The following DMD variants were observed in gnomAD, a reference collection of about 807,000 sequenced individuals.
The protein encoded by DMD is mutant dystrophin.
DMD carries 63 observed loss-of-function variants against 330.1 expected under a neutral mutation model. The ratio of observed to expected loss-of-function variants is 0.19; its 90% CI spans 0.16 to 0.24. The LOEUF is 0.24. Ranked by LOEUF, DMD falls within the 10% of genes least tolerant of loss-of-function variation. The probability of loss-of-function intolerance (pLI) is 1.00; values close to 1 mark genes in which losing one functional copy is unlikely to be tolerated. For missense variants in DMD, 3,344 were observed against 2,684.1 expected, an observed-to-expected ratio of 1.25 and a Z score of -5.43; for synonymous variants, 1,223 against 959.8, an observed-to-expected ratio of 1.27 and a Z score of -5.07.
At chrX:31,695,789 A>G (rs1348153109) in intron 52 of DMD, among the ~76,000 whole-genome samples, 3 of 110,917 alleles carry the variant, frequency 2.7e-5, no homozygotes, top group Non-Finnish European at 5.7e-5. Context: ...GGATGGAAAA[A>G]TGAGAGACGT....
intron 52 of DMD, among the ~76,000 whole-genome samples, chrX:31,702,820 C>T (rs1433876078): frequency 2.8e-5 from 3 of 109,050 alleles, no homozygotes; most frequent in Non-Finnish European, 5.7e-5. Context: ...CTTTTGCACT[C>T]CCCATCCTTC....
intron 34 of DMD, among the ~76,000 whole-genome samples, chrX:32,373,885 C>T (rs957493542): frequency 1.8e-5 from 2 of 111,560 alleles, no homozygotes; most frequent in Admixed American, 9.5e-5. Context: ...GGATCCTGGA[C>T]CCACATGACT....
chrX:31,722,243 C>T (rs1210170978), intron 52 of DMD, among the ~76,000 whole-genome samples: 2 of 109,929 alleles, frequency 1.8e-5, no homozygotes, highest in Admixed American at 9.8e-5. Context: ...CTCAGCCTCC[C>T]GAGTAGCTGG....
chrX:32,784,902 T>TG (rs1404633980), intron 7 of DMD, among the ~76,000 whole-genome samples: 1 of 111,509 alleles, frequency 9.0e-6, no homozygotes, highest in Non-Finnish European at 1.9e-5. Flanking sequence ...TTCAATACCT[T>TG]GGCAGACTGT....
At chrX:31,184,322 T>C (rs1190320709) in intron 67 of DMD, among the ~76,000 whole-genome samples, 1 of 111,966 alleles carries the variant, frequency 8.9e-6, no homozygotes, top group Non-Finnish European at 1.9e-5. Flanking sequence ...AAGTCAATAG[T>C]AAAGATGACT....
intron 7 of DMD, among the ~76,000 whole-genome samples, chrX:32,724,474 C>T (rs2066656364): frequency 9.0e-6 from 1 of 111,492 alleles, no homozygotes; most frequent in African/African-American, 3.3e-5. Context: ...AGGCCCTTAC[C>T]AAGAGGAGCT....
chrX:32,384,329 C>T (rs1393026256), intron 33 of DMD, among the ~76,000 whole-genome samples: 1 of 109,976 alleles, frequency 9.1e-6, no homozygotes, highest in African/African-American at 3.3e-5. Context: ...CTGTGGTGAT[C>T]TTTAAACAAT....
intron 1 of DMD, among the ~76,000 whole-genome samples, chrX:33,158,836 T>C (rs1441230370): frequency 2.7e-5 from 3 of 111,760 alleles, no homozygotes; most frequent in Non-Finnish European, 5.6e-5. Flanking sequence ...TTAAATCACA[T>C]TCATCTACCC....
At chrX:33,009,692 A>ATGTG (rs2093594411) in intron 2 of DMD, among the ~76,000 whole-genome samples, 1 of 41,189 alleles carries the variant, frequency 2.4e-5, no homozygotes, top group South Asian at 1.3e-3. Flanking sequence ...GTATATGCAC[A>ATGTG]TATGTGTGTA....
At chrX:31,780,092 T>G (rs1225087108) in intron 50 of DMD, among the ~76,000 whole-genome samples, 1 of 111,652 alleles carries the variant, frequency 9.0e-6, no homozygotes, top group Admixed American at 9.5e-5. Context: ...GGGTACATGA[T>G]TAGTCAGACT....
chrX:31,518,120 T>G (rs950689261), intron 55 of DMD, among the ~76,000 whole-genome samples: 2 of 111,368 alleles, frequency 1.8e-5, no homozygotes, highest in South Asian at 7.6e-4. Flanking sequence ...AGGACACAAT[T>G]TCCTGAGAAA....
chrX:31,315,433 T>C (rs141371645), intron 62 of DMD, among the ~76,000 whole-genome samples: 100 of 112,658 alleles, frequency 8.9e-4, no homozygotes, highest in African/African-American at 3.2e-3. Flanking sequence ...AGTTGGGATA[T>C]GATACAGTTG....
At chrX:31,275,155 TTGTG>T (rs59068818) in intron 62 of DMD, among the ~76,000 whole-genome samples, 17,025 of 96,184 alleles carry the variant, frequency 0.18, 1,423 homozygotes, top group African/African-American at 0.29. Context: ...AAATCAGGTT[TTGTG>T]TGTGTGTGTG....
chrX:32,367,897 C>A (rs984046006), intron 34 of DMD, among the ~76,000 whole-genome samples: 12 of 111,633 alleles, frequency 1.1e-4, no homozygotes, highest in Non-Finnish European at 2.3e-4. Flanking sequence ...ATTCACAGGA[C>A]AATTTACACT....
intron 17 of DMD, among the ~76,000 whole-genome samples, chrX:32,530,673 G>A (rs774003695): frequency 8.9e-6 from 1 of 112,025 alleles, no homozygotes; most frequent in Admixed American, 9.5e-5. Context: ...GTGAAAACAC[G>A]TGGGCAAAAA....
intron 2 of DMD, among the ~76,000 whole-genome samples, chrX:32,852,319 G>C (rs988585628): frequency 9.0e-5 from 10 of 111,293 alleles, no homozygotes; most frequent in African/African-American, 3.3e-4. Flanking sequence ...TTGAAGAGAA[G>C]AATCCAGTCC....
At chrX:31,449,791 T>TAGATAGATAGATAGATAGATAG (rs1164127132) in intron 59 of DMD, among the ~76,000 whole-genome samples, 1 of 88,287 alleles carries the variant, frequency 1.1e-5, no homozygotes, top group African/African-American at 4.5e-5. Flanking sequence ...TATATATATA[T>TAGATAGATAGATAGATAGATAG]ATATATAGAT....
chrX:32,801,085 T>A (rs2406191), intron 7 of DMD, among the ~76,000 whole-genome samples: 5,112 of 111,283 alleles, frequency 0.046, 287 homozygotes, highest in African/African-American at 0.15. Context: ...TGGCTCTAGA[T>A]CCTTGAGCAA....
At chrX:32,876,700 C>G (rs1483239778) in intron 2 of DMD, among the ~76,000 whole-genome samples, 2 of 111,210 alleles carry the variant, frequency 1.8e-5, no homozygotes, top group Non-Finnish European at 3.8e-5. Flanking sequence ...TTTTTAATCC[C>G]CTACTAAAAC....
Sources: allele counts gnomAD v4.1 joint callset (sites outside exome capture counted in the v4.1 genomes callset), GRCh38; gene constraint gnomAD v4.1.1; transcripts MANE v1.5; gene names NCBI Gene and HGNC (gene_info 2026-07-23, HGNC 2026-07-21).